Variants in ALK observed in about 807,000 individuals in gnomAD.
ALK encodes the protein ALK receptor tyrosine kinase.
In ALK, 74 loss-of-function variants were observed where a neutral mutation model predicts 163.1. The observed-to-expected ratio is 0.45, with a 90% CI of 0.38 to 0.55. ALK has a LOEUF of 0.55. ALK is among the 20% of genes least tolerant of loss of function. The pLI is 0.00. For missense variants in ALK, 2,063 were observed against 2,105.3 expected, an observed-to-expected ratio of 0.98 and a Z score of 0.39; for synonymous variants, 960 against 843.2, an observed-to-expected ratio of 1.14 and a Z score of -2.40.
At chr2:29,758,644 C>T (rs1171317826) in intron 1 of ALK, among the ~76,000 whole-genome samples, 1 of 152,176 alleles carries the variant, frequency 6.6e-6, no homozygotes, top group Non-Finnish European at 1.5e-5. Context: ...CTCCTCCCTC[C>T]CCAGGCACTG....
rs986976695 is a variant in ALK at position 29,203,675 on chromosome 2, C to T, written c.3938+3496G>A. Among the ~76,000 whole-genome samples the T allele has an allele frequency of 4.0e-5, 6 of 151,178 alleles. No homozygotes were observed. The Middle Eastern group carries it at 0.01, about 259-fold the overall frequency. On this transcript the variant is annotated intron_variant, in intron 26 of 28. Coordinates refer to ENST00000389048, the MANE Select transcript of ALK (RefSeq NM_004304.5). Reference sequence around the variant, plus strand: ...CTAATTTTTGTATTTTTAGTAGAGACGGGTTTCACCATCTTGGCCAGGCTG... The same window carrying T: ...CTAATTTTTGTATTTTTAGTAGAGATGGGTTTCACCATCTTGGCCAGGCTG...
At chr2:29,360,607 A>G (rs1400425935) in intron 5 of ALK, among the ~76,000 whole-genome samples, 2 of 152,158 alleles carry the variant, frequency 1.3e-5, no homozygotes, top group Non-Finnish European at 1.5e-5. Flanking sequence ...GTGATGTGAG[A>G]ATACAGAAAT....
intron 1 of ALK, among the ~76,000 whole-genome samples, chr2:29,786,145 G>A (rs1007784298): frequency 3.9e-5 from 6 of 152,174 alleles, no homozygotes; most frequent in South Asian, 4.1e-4. Flanking sequence ...CGATTTTCAC[G>A]TCCCTTGGAG....
chr2:29,538,643 G>C lies in ALK; in HGVS notation c.953-6527C>G, dbSNP rs6547941. ...AGCATGAACTAATACACATGACAAG[G>C]AATCAAATAGTACAGAATTGCTTAT... is the stretch of plus-strand genomic sequence containing the variant. On this transcript the variant is annotated intron_variant, in intron 3 of 28. Coordinates refer to ENST00000389048, the MANE Select transcript of ALK (RefSeq NM_004304.5). Among the ~76,000 whole-genome samples, 1,504 of 152,184 alleles carry C rather than the reference G, an allele frequency of 9.9e-3. 18 individuals carry two copies. The highest frequency in any genetic ancestry group is 0.033 in the African/African-American group (1,362 of 41,526).
chr2:29,270,609 A>C (rs1410825314), intron 11 of ALK, among the ~76,000 whole-genome samples: 2 of 152,094 alleles, frequency 1.3e-5, no homozygotes, highest in Non-Finnish European at 2.9e-5. Context: ...GGGGCCCAAG[A>C]ATCTGCATTT....
At position 29,846,045 on chromosome 2, in the gene ALK, A is replaced by G. The variant is rs149543940; in HGVS notation, c.667+73948T>C. On this transcript the variant is annotated intron_variant, in intron 1 of 28. Coordinates refer to ENST00000389048, the MANE Select transcript of ALK (RefSeq NM_004304.5). ...ATAGTGTGGCCCATACATCTGGCCC[A>G]TGGTTATAAAAAAGAAATCTGGTTT... 5.3e-5 allele frequency among the ~76,000 whole-genome samples: 8 copies of G among 152,306 alleles called. No individual in the cohort carries two copies. The East Asian group carries it at 1.4e-3, about 26-fold the overall frequency.
chr2:29,781,712 C>A (rs1287291430), intron 1 of ALK, among the ~76,000 whole-genome samples: 1 of 152,196 alleles, frequency 6.6e-6, no homozygotes, highest in Non-Finnish European at 1.5e-5. Flanking sequence ...TTGAGTGCAA[C>A]ACACTCATAC....
chr2:29,830,689 C>T (rs919513881), intron 1 of ALK, among the ~76,000 whole-genome samples: 1 of 106,410 alleles, frequency 9.4e-6, no homozygotes, highest in Non-Finnish European at 1.8e-5. Context: ...GAAAACACAG[C>T]AAGACCCTGT....
At chr2:29,707,754 G>A (rs954798100) in intron 2 of ALK, among the ~76,000 whole-genome samples, 5 of 152,206 alleles carry the variant, frequency 3.3e-5, no homozygotes, top group Admixed American at 1.3e-4. Flanking sequence ...TTAAGCAAGA[G>A]GCTTAGAGCA....
At chr2:29,203,037 A>G (rs1286512272) in intron 26 of ALK, among the ~76,000 whole-genome samples, 1 of 152,166 alleles carries the variant, frequency 6.6e-6, no homozygotes, top group Non-Finnish European at 1.5e-5. Context: ...ACTTCCCTGC[A>G]TATCAGAATC....
chr2:29,844,352 T>G (rs1275538608), intron 1 of ALK, among the ~76,000 whole-genome samples: 1 of 152,100 alleles, frequency 6.6e-6, no homozygotes, highest in East Asian at 1.9e-4. Context: ...CAGGTGCAGA[T>G]CATGTACCTC....
chr2:29,280,435 C>G (rs1180743329), intron 9 of ALK, among the ~76,000 whole-genome samples: 5 of 150,500 alleles, frequency 3.3e-5, no homozygotes, highest in African/African-American at 9.8e-5. Flanking sequence ...CTAGAATGTA[C>G]CCGGTGGACC....
intron 5 of ALK, among the ~76,000 whole-genome samples, chr2:29,370,314 GC>G (rs1316699090): frequency 2.6e-5 from 4 of 152,272 alleles, no homozygotes; most frequent in Admixed American, 1.3e-4. Context: ...AGACAAACTG[GC>G]CCCCTCTAAG....
At chr2:29,542,053 A>G (rs1673426909) in intron 3 of ALK, among the ~76,000 whole-genome samples, 1 of 152,168 alleles carries the variant, frequency 6.6e-6, no homozygotes, top group African/African-American at 2.4e-5. Flanking sequence ...GGGTGGGTTA[A>G]TCACTCTGTG....
At chr2:29,710,001 T>C (rs1487925386) in intron 2 of ALK, among the ~76,000 whole-genome samples, 1 of 152,166 alleles carries the variant, frequency 6.6e-6, no homozygotes, top group African/African-American at 2.4e-5. Context: ...GAACTGTAGC[T>C]CTCATAATTC....
chr2:29,225,072 T>TG (rs1234835271), intron 19 of ALK, among the ~76,000 whole-genome samples: 1 of 151,868 alleles, frequency 6.6e-6, no homozygotes, highest in African/African-American at 2.4e-5. Context: ...TGGGGAAGAG[T>TG]GGGCTAGTGC....
chr2:29,671,509 A>C (rs1216321897), intron 3 of ALK, among the ~76,000 whole-genome samples: 27 of 152,098 alleles, frequency 1.8e-4, no homozygotes, highest in Admixed American at 1.8e-3. Context: ...CCTGTGCATT[A>C]AGGGAAGGAC....
chr2:29,563,546 T>C (rs1674084898), intron 3 of ALK, among the ~76,000 whole-genome samples: 1 of 152,192 alleles, frequency 6.6e-6, no homozygotes. Context: ...CTGAAAGAGA[T>C]ATCAAAGGGA....
At chr2:29,301,587 C>A (rs574396793) in intron 8 of ALK, among the ~76,000 whole-genome samples, 20 of 152,310 alleles carry the variant, frequency 1.3e-4, no homozygotes, top group Middle Eastern at 3.4e-3. Flanking sequence ...GGGTCAGGGA[C>A]CAGGGAAGGG....
Sources: gnomAD v4.1 joint callset for allele counts (sites outside exome capture counted in the v4.1 genomes callset) on GRCh38, gnomAD v4.1.1 for gene constraint, MANE v1.5 for transcripts, NCBI Gene and HGNC (gene_info 2026-07-23, HGNC 2026-07-21) for gene names.